KAT6A: variants seen among roughly 807,000 people sequenced by gnomAD.
The protein encoded by KAT6A is histone acetyltransferase KAT6A.
A neutral mutation model predicts 198.4 loss-of-function variants in KAT6A; 9 were observed. That is an observed-to-expected ratio of 0.05 (90% confidence interval 0.03 to 0.08). KAT6A has a LOEUF of 0.08. Ranked by LOEUF, KAT6A falls within the 10% of genes least tolerant of loss-of-function variation. The pLI is 1.00. For synonymous variants in KAT6A, 890 were observed against 883.0 expected, an observed-to-expected ratio of 1.01 and a Z score of -0.14; for missense variants, 2,077 against 2,509.9, an observed-to-expected ratio of 0.83 and a Z score of 3.69.
intron 8 of KAT6A, among the ~76,000 whole-genome samples, chr8:41,962,092 C>T (rs185574894): frequency 6.6e-6 from 1 of 152,316 alleles, no homozygotes; most frequent in Non-Finnish European, 1.5e-5. Flanking sequence ...ACTACACCTT[C>T]ATGTTTTTTT....
rs1414431709 is a variant in KAT6A, at chr8:41,941,224, A to C, written c.2657T>G (p.Leu886Arg). ...AGCTGAAGACGTCTCTTCCAAGAGC[A>C]GTTTAGAATCTTTATCACCAAAACG... ...QERFGDKDSK[L>R]LLEETSSAPQ... The change falls in exon 15 of 17, where the codon CTG becomes CGG. Residue 886 changes from leucine (L) to arginine (R), a missense_variant. Transcript: ENST00000265713. The C allele has an allele frequency of 5.6e-6, 9 of 1,614,134 alleles. No homozygotes were observed. In the Admixed American group the frequency reaches 8.3e-5, roughly 15 times the overall value.
chr8:41,939,238 T>C (rs928804521), intron 15 of KAT6A, among the ~76,000 whole-genome samples: 3 of 152,180 alleles, frequency 2.0e-5, no homozygotes, highest in African/African-American at 7.2e-5. Context: ...AGTGTGGCTA[T>C]GCACAGTGAC....
intron 2 of KAT6A, among the ~76,000 whole-genome samples, chr8:42,005,019 A>G (rs1395471645): frequency 6.6e-6 from 1 of 152,128 alleles, no homozygotes; most frequent in Non-Finnish European, 1.5e-5. Flanking sequence ...AGCAGATTAC[A>G]TCTGAAATTC....
intron 2 of KAT6A, among the ~76,000 whole-genome samples, chr8:42,012,035 A>T (rs1826045336): frequency 6.6e-6 from 1 of 152,236 alleles, no homozygotes; most frequent in Non-Finnish European, 1.5e-5. Flanking sequence ...ATCGTTAGGG[A>T]AATGCAAATT....
Position 41,934,818 on chromosome 8 carries a change from C to T in KAT6A, c.3402G>A (p.Lys1134=), listed in dbSNP as rs966663426. ...PVSLLRKRDV[K]NSPLEPDTST... is the part of the protein sequence containing the mutation. ...ATGTATCTGGCTCAAGAGGAGAATT[C>T]TTCACATCACGTTTTCGCAAAAGAG... Residue 1134 remains lysine (K), a synonymous_variant, in exon 17 of 17, where the codon AAG becomes AAA. Coordinates refer to ENST00000265713, the MANE Select transcript of KAT6A (RefSeq NM_006766.5). 1.8e-5 allele frequency: 29 copies of T among 1,613,000 alleles called. No individual in the cohort carries two copies. The highest frequency in any genetic ancestry group is 2.4e-5 in the Non-Finnish European group (28 of 1,179,838).
chr8:41,953,542 C>T (rs1267137069), intron 9 of KAT6A, among the ~76,000 whole-genome samples: 1 of 152,226 alleles, frequency 6.6e-6, no homozygotes, highest in Non-Finnish European at 1.5e-5. Flanking sequence ...GGCGCGATCT[C>T]AGTTCACTGC....
At chr8:41,983,296 C>T (rs1161163789) in intron 3 of KAT6A, among the ~76,000 whole-genome samples, 1 of 152,130 alleles carries the variant, frequency 6.6e-6, no homozygotes, top group Non-Finnish European at 1.5e-5. Flanking sequence ...TATGAGATAG[C>T]AAGTTTATTA....
chr8:41,974,877 T>A, intron 7 of KAT6A, 55 bp from the exon 8 acceptor site: 1 of 1,092,570 alleles, frequency 9.2e-7, no homozygotes, highest in Non-Finnish European at 1.3e-6. Flanking sequence ...ATACATGAAC[T>A]AGAAAAAATT....
At chr8:41,963,343 A>G (rs1033569467) in intron 8 of KAT6A, among the ~76,000 whole-genome samples, 1 of 152,172 alleles carries the variant, frequency 6.6e-6, no homozygotes, top group Non-Finnish European at 1.5e-5. Context: ...GATTTCACAC[A>G]ATCCCACAAC....
At chr8:42,011,706 C>T (rs545068353) in intron 2 of KAT6A, among the ~76,000 whole-genome samples, 1 of 151,660 alleles carries the variant, frequency 6.6e-6, no homozygotes, top group Admixed American at 6.6e-5. Context: ...TGCCATTGCA[C>T]TCCAGCCTGG....
At chr8:41,994,218 AAC>A (rs1357127318) in intron 2 of KAT6A, among the ~76,000 whole-genome samples, 2 of 152,232 alleles carry the variant, frequency 1.3e-5, no homozygotes. Flanking sequence ...CACACCATTA[AAC>A]ACAGCAGCCA....
chr8:42,027,101 T>C (rs1253166066), intron 2 of KAT6A, among the ~76,000 whole-genome samples: 1 of 152,232 alleles, frequency 6.6e-6, no homozygotes, highest in Non-Finnish European at 1.5e-5. Flanking sequence ...CATATTTGAA[T>C]ATGCATCCCT....
intron 8 of KAT6A, among the ~76,000 whole-genome samples, chr8:41,971,449 G>A (rs1369744548): frequency 6.6e-6 from 1 of 152,030 alleles, no homozygotes; most frequent in Non-Finnish European, 1.5e-5. Flanking sequence ...AAGGGCCATC[G>A]AGGCAAGGTG....
chr8:42,021,307 A>G lies in KAT6A; in HGVS notation c.600+27071T>C, dbSNP rs151229051. ...ATATTTTGTGAGTTAACAAACTGATACTTTGTTTTGTCTTGTTTTACTGGA... is the reference window on the plus strand; with the variant it reads ...ATATTTTGTGAGTTAACAAACTGATGCTTTGTTTTGTCTTGTTTTACTGGA... On this transcript the variant is annotated intron_variant, in intron 2 of 16. Coordinates refer to ENST00000265713, the MANE Select transcript of KAT6A (RefSeq NM_006766.5). 2.3e-3 allele frequency among the ~76,000 whole-genome samples: 352 copies of G among 152,256 alleles called. 3 individuals carry two copies. Among genetic ancestry groups the G allele is most frequent in the African/African-American group, 7.8e-3 (324 of 41,542 alleles).
intron 2 of KAT6A, among the ~76,000 whole-genome samples, chr8:42,008,656 A>T (rs1216043037): frequency 6.6e-6 from 1 of 151,660 alleles, no homozygotes; most frequent in Non-Finnish European, 1.5e-5. Context: ...CTCGAGTGAC[A>T]TTTTTTTAAC....
At chr8:41,977,498 T>C (rs1587771807) in intron 6 of KAT6A, 171 bp from the exon 7 acceptor site, 1 of 501,108 alleles carries the variant, frequency 2.0e-6, no homozygotes, top group Non-Finnish European at 3.5e-6. Context: ...TTAATATTAT[T>C]ATTAGAAACA....
At chr8:41,942,715 T>A in intron 14 of KAT6A, 78 bp downstream of exon 14, 1 of 1,450,428 alleles carries the variant, frequency 6.9e-7, no homozygotes, top group Non-Finnish European at 9.5e-7. Context: ...AAGATGATCA[T>A]AATACATTAT....
intron 1 of KAT6A, among the ~76,000 whole-genome samples, chr8:42,051,647 C>T (rs994520609): frequency 4.8e-5 from 7 of 145,092 alleles, no homozygotes; most frequent in Middle Eastern, 3.3e-3. Context: ...GGCCGGGCGG[C>T]GGCGCGCGGG....
intron 2 of KAT6A, among the ~76,000 whole-genome samples, chr8:42,033,095 G>C (rs142588601): frequency 6.6e-6 from 1 of 151,786 alleles, no homozygotes; most frequent in South Asian, 2.1e-4. Context: ...GGGTGGTCTC[G>C]AACTCCTGAC....
Sources: gnomAD v4.1 joint callset for allele counts (sites outside exome capture counted in the v4.1 genomes callset) on GRCh38, gnomAD v4.1.1 for gene constraint, MANE v1.5 for transcripts, NCBI Gene and HGNC (gene_info 2026-07-23, HGNC 2026-07-21) for gene names.